NEO1: variants seen among roughly 807,000 people sequenced by gnomAD.
NEO1 encodes the protein neogenin 1, also known as neogenin.
A neutral mutation model predicts 159.7 loss-of-function variants in NEO1; 63 were observed. The ratio of observed to expected loss-of-function variants is 0.39; its 90% CI spans 0.32 to 0.49. The LOEUF (loss-of-function observed/expected upper bound fraction) is 0.49. Among genes scored for constraint, NEO1 ranks in the 20% least tolerant of loss-of-function variants. NEO1 has a pLI of 0.85. For missense variants in NEO1, 1,615 were observed against 1,831.0 expected (o/e 0.88, Z 2.15); for synonymous variants, 633 against 662.0 (o/e 0.96, Z 0.67).
At chr15:73,274,562 G>A (rs2041317674) in intron 20 of NEO1, 130 bp from the exon 21 acceptor site, 6 of 852,056 alleles carry the variant, frequency 7.0e-6, no homozygotes, top group Admixed American at 2.2e-5. Context: ...TAGTACTAAA[G>A]TCAAGTTTCA....
intron 7 of NEO1, among the ~76,000 whole-genome samples, chr15:73,204,364 G>T (rs555090772): frequency 6.6e-6 from 1 of 151,976 alleles, no homozygotes; most frequent in Non-Finnish European, 1.5e-5. Flanking sequence ...TTAGGTGTTT[G>T]TCATTAATTT....
At chr15:73,079,409 A>G (rs955231739) in intron 1 of NEO1, among the ~76,000 whole-genome samples, 2 of 152,196 alleles carry the variant, frequency 1.3e-5, no homozygotes, top group Non-Finnish European at 2.9e-5. Context: ...TTACTGCGTT[A>G]TAGTTGAAAT....
chr15:73,252,084 C>G (rs1324263245), intron 11 of NEO1, among the ~76,000 whole-genome samples: 1 of 152,144 alleles, frequency 6.6e-6, no homozygotes, highest in African/African-American at 2.4e-5. Flanking sequence ...TCCAGACTAC[C>G]TGAATCTCTG....
chr15:73,054,253 C>G (rs1386705985), intron 1 of NEO1, among the ~76,000 whole-genome samples: 1 of 152,118 alleles, frequency 6.6e-6, no homozygotes, highest in Non-Finnish European at 1.5e-5. Flanking sequence ...TGTAGTTCAC[C>G]AAATTTCAAG....
Position 73,273,867 on chromosome 15 carries a change from G to C in NEO1, c.3022G>C (p.Glu1008Gln), listed in dbSNP as rs147866009. The C allele has an allele frequency of 6.8e-6, 11 of 1,613,954 alleles. No homozygotes were observed. The African/African-American group carries it at 1.2e-4, about 18-fold the overall frequency. The change falls in exon 20 of 29, where the codon GAG becomes CAG. Residue 1008 changes from glutamate to glutamine, a missense_variant. Glu to Gln is a conservative substitution (Grantham distance 29). This residue lies in a region of NEO1 where 126 missense variants were observed against 216.7 expected (regional missense o/e 0.58). Coordinates refer to ENST00000261908, the MANE Select transcript of NEO1 (RefSeq NM_002499.4). ...VNAEIHDWVI[E>Q]PVVGNRLTHQ... ...TGCAGAGATACATGACTGGGTTATT[G>C]AGCCTGTTGTGGGAAACAGACTGAC... is the stretch of plus-strand genomic sequence containing the variant.
Position 73,065,179 on chromosome 15 carries a change from T to C in NEO1, c.130+12374T>C, listed in dbSNP as rs114475166. Among the ~76,000 whole-genome samples the C allele has an allele frequency of 2.3e-3, 346 of 152,336 alleles. 5 individuals are homozygous for C. Among genetic ancestry groups the C allele is most frequent in the African/African-American group, 8.1e-3 (335 of 41,590 alleles). On this transcript the variant is annotated intron_variant, in intron 1 of 28. Coordinates refer to ENST00000261908, the MANE Select transcript of NEO1 (RefSeq NM_002499.4). ...GTTATTGTTGTGTATTTTAGTTCTC[T>C]GTATGTTTAAGATCCATCAGATGTT...
At chr15:73,162,299 G>A (rs1248830207) in intron 5 of NEO1, 1 of 213,456 alleles carries the variant, frequency 4.7e-6, no homozygotes, top group Non-Finnish European at 9.9e-6. Flanking sequence ...GCCATGGGTG[G>A]TGTTATTTCA....
chr15:73,205,916 G>GT lies in NEO1; in HGVS notation c.1291+27498dup, dbSNP rs575795475. 8.6e-4 allele frequency among the ~76,000 whole-genome samples: 129 copies of GT among 149,736 alleles called. 1 individual carries two copies. The South Asian group carries it at 0.012, about 13-fold the overall frequency. ...TTTCAACATCTGTAATTTTTTTTTT[G>GT]TTTTTTTTTGAGTCAGAGCCTTACT... On this transcript the variant is annotated intron_variant, in intron 7 of 28. Transcript: ENST00000261908.
Position 73,288,422 on chromosome 15 carries a change from C to A in NEO1, c.3520C>A (p.Pro1174Thr), listed in dbSNP as rs201677704. ...WIHHERLELK[P>T]IDKSPDPNPI... ...CCATCATGAGAGACTGGAGCTGAAA[C>A]CCATTGATAAGTCTCCAGACCCAAA... Residue 1174 changes from proline to threonine, a missense_variant, in exon 24 of 29, where the codon CCC becomes ACC. Pro to Thr is a conservative substitution (Grantham distance 38). This residue lies in a region of NEO1 where 471 missense variants were observed against 498.9 expected (regional missense o/e 0.94). Transcript: ENST00000261908. The A allele has an allele frequency of 2.2e-5, 35 of 1,613,968 alleles. No individual in the cohort carries two copies. Among genetic ancestry groups the A allele is most frequent in the Non-Finnish European group, 3.0e-5 (35 of 1,180,020 alleles).
intron 1 of NEO1, among the ~76,000 whole-genome samples, chr15:73,099,588 A>G (rs1308810600): frequency 1.3e-5 from 2 of 152,180 alleles, no homozygotes; most frequent in Non-Finnish European, 2.9e-5. Flanking sequence ...AGATTGTCCT[A>G]TGGGATTTCA....
At chr15:73,212,087 T>G (rs1325171096) in intron 7 of NEO1, among the ~76,000 whole-genome samples, 1 of 152,200 alleles carries the variant, frequency 6.6e-6, no homozygotes, top group African/African-American at 2.4e-5. Context: ...TTTGGTAACG[T>G]TAACACTGAT....
At chr15:73,214,978 T>A (rs2037793304) in intron 7 of NEO1, among the ~76,000 whole-genome samples, 1 of 152,192 alleles carries the variant, frequency 6.6e-6, no homozygotes, top group Non-Finnish European at 1.5e-5. Context: ...GCAGTTTTCC[T>A]TGTAGAGGTC....
At chr15:73,185,670 T>G (rs115460410) in intron 7 of NEO1, among the ~76,000 whole-genome samples, 3,193 of 152,190 alleles carry the variant, frequency 0.021, 122 homozygotes, top group African/African-American at 0.073. Flanking sequence ...AACACAAAAT[T>G]TACACACAAA....
chr15:73,096,676 C>T (rs1436700224), intron 1 of NEO1, among the ~76,000 whole-genome samples: 1 of 152,184 alleles, frequency 6.6e-6, no homozygotes, highest in Non-Finnish European at 1.5e-5. Context: ...CAGGGCAATA[C>T]TCCTGGTCAT....
intron 5 of NEO1, among the ~76,000 whole-genome samples, chr15:73,160,801 C>A (rs370508612): frequency 6.6e-6 from 1 of 152,198 alleles, no homozygotes; most frequent in African/African-American, 2.4e-5. Flanking sequence ...CTCTCCCAAA[C>A]CCTGTCCTTA....
chr15:73,258,582 T>A (rs935026872), intron 13 of NEO1, among the ~76,000 whole-genome samples, 184 bp from the exon 14 acceptor site: 8 of 152,222 alleles, frequency 5.3e-5, no homozygotes, highest in African/African-American at 1.9e-4. Flanking sequence ...CTTTGCTTTA[T>A]TTGGAGATGG....
chr15:73,116,563 C>G lies in NEO1; in HGVS notation c.154C>G (p.Pro52Ala), dbSNP rs777827352. ...SPGASIRTFT[P>A]FYFLVEPVDT... is the part of the protein sequence containing the mutation. ...AGGAGCCAGCATTCGAACGTTCACT[C>G]CATTTTATTTTCTGGTGGAGCCGGT... The change falls in exon 2 of 29, where the codon CCA becomes GCA. Residue 52 changes from proline (P) to alanine (A), a missense_variant. By Grantham distance (27) the Pro-to-Ala change is conservative (BLOSUM62 -1). This residue lies in a region of NEO1 where 1,018 missense variants were observed against 1,115.4 expected (regional missense o/e 0.91). Coordinates refer to ENST00000261908, the MANE Select transcript of NEO1 (RefSeq NM_002499.4). The G allele has an allele frequency of 6.5e-7, 1 of 1,539,786 alleles. No individual in the cohort carries two copies.
chr15:73,063,755 T>C (rs2068081049), intron 1 of NEO1, among the ~76,000 whole-genome samples: 1 of 152,188 alleles, frequency 6.6e-6, no homozygotes, highest in Admixed American at 6.5e-5. Flanking sequence ...TTCATTTTTA[T>C]TCTGGAATTA....
intron 11 of NEO1, 140 bp downstream of exon 11, chr15:73,249,861 G>C: frequency 1.1e-6 from 1 of 944,990 alleles, no homozygotes; most frequent in Non-Finnish European, 1.5e-6. Flanking sequence ...CTTTAGTCAA[G>C]TCTGAACATC....
Sources: allele counts gnomAD v4.1 joint callset (sites outside exome capture counted in the v4.1 genomes callset), GRCh38; gene constraint gnomAD v4.1.1; regional missense constraint gnomAD v4.1.1; transcripts MANE v1.5; gene names NCBI Gene and HGNC (gene_info 2026-07-23, HGNC 2026-07-21).